Variants in BTBD9 observed in about 807,000 individuals in gnomAD.
The protein encoded by BTBD9 is BTB/POZ domain-containing protein 9.
Under a neutral mutation model 64.3 loss-of-function variants are expected in BTBD9, and 49 were observed. That is an observed-to-expected ratio of 0.76 (90% CI 0.61 to 0.97). The LOEUF (loss-of-function observed/expected upper bound fraction) is 0.97, where lower values mean the gene tolerates loss of function less well. BTBD9 is among the 50% of genes least tolerant of loss of function. BTBD9 has a pLI of 0.00. For synonymous variants in BTBD9, 260 were observed against 274.7 expected (o/e 0.95, Z 0.53); for missense variants, 598 against 762.1 (o/e 0.78, Z 2.53).
intron 6 of BTBD9, among the ~76,000 whole-genome samples, chr6:38,550,168 A>ATC (rs1160725090): frequency 6.6e-6 from 1 of 152,170 alleles, no homozygotes; most frequent in Admixed American, 6.5e-5. Context: ...TCTAAAAGGC[A>ATC]TCTCAGATCT....
rs570627326 is a variant in BTBD9, at chr6:38,284,136, T to G, written c.1454+4136A>C. Among the ~76,000 whole-genome samples the G allele has an allele frequency of 2.6e-5, 4 of 152,238 alleles. No individual in the cohort carries two copies. The East Asian group carries it at 7.7e-4, about 29-fold the overall frequency. On this transcript the variant is annotated intron_variant, in intron 8 of 10. Coordinates refer to ENST00000481247, the MANE Select transcript of BTBD9 (RefSeq NM_001099272.2). ...GTTAGTTTCACAGAGACGTGTCTCT[T>G]TGAAGGCTCAGCCAGTTATACAGAG...
chr6:38,394,356 T>G (rs1766571510), intron 6 of BTBD9, among the ~76,000 whole-genome samples: 1 of 152,036 alleles, frequency 6.6e-6, no homozygotes, highest in South Asian at 2.1e-4. Context: ...GAAAGACATA[T>G]CTGGATTGGA....
In BTBD9 at chr6:38,389,488, C is replaced by T. The variant is rs533810370; in HGVS notation, c.1155-44395G>A. Among the ~76,000 whole-genome samples the T allele has an allele frequency of 1.1e-4, 17 of 152,338 alleles. No individual in the cohort carries two copies. In the South Asian group the frequency reaches 3.5e-3, roughly 32 times the overall value. On this transcript the variant is annotated intron_variant, in intron 6 of 10. Transcript: ENST00000481247. ...CCTGCACTACACATACAGCCCCATG[C>T]TGGATGGCGTTGGGTGTTCACTTTC...
intron 6 of BTBD9, among the ~76,000 whole-genome samples, chr6:38,423,424 C>A (rs1232468252): frequency 6.6e-6 from 1 of 152,098 alleles, no homozygotes; most frequent in Admixed American, 6.6e-5. Flanking sequence ...CCCACCTAAG[C>A]CTCCCTCGAA....
At chr6:38,276,094 C>T (rs1397473518) in intron 8 of BTBD9, among the ~76,000 whole-genome samples, 2 of 152,134 alleles carry the variant, frequency 1.3e-5, no homozygotes, top group African/African-American at 4.8e-5. Flanking sequence ...GACTTGGAAC[C>T]AACCCAAATG....
chr6:38,554,651 A>G (rs1040816182), intron 6 of BTBD9, among the ~76,000 whole-genome samples: 1 of 152,230 alleles, frequency 6.6e-6, no homozygotes, highest in East Asian at 1.9e-4. Context: ...TTCAAGTGAT[A>G]TATGTTCTTT....
At chr6:38,460,803 A>C (rs143824224) in intron 6 of BTBD9, among the ~76,000 whole-genome samples, 3 of 151,868 alleles carry the variant, frequency 2.0e-5, no homozygotes, top group African/African-American at 7.2e-5. Flanking sequence ...TTTGTATTTT[A>C]GTAGAGACGG....
chr6:38,566,926 T>C lies in BTBD9; in HGVS notation c.1154+10674A>G, dbSNP rs1234829478. Among the ~76,000 whole-genome samples the C allele has an allele frequency of 2.0e-5, 3 of 152,212 alleles. No individual in the cohort carries two copies. In the East Asian group the frequency reaches 5.8e-4, roughly 29 times the overall value. ...ACTGATCAACAGACATAAAATAAAG[T>C]CCTTCTAAATCCTACTCTCTCTAAC... On this transcript the variant is annotated intron_variant, in intron 6 of 10. Transcript: ENST00000481247.
chr6:38,238,762 C>T (rs748698983), intron 9 of BTBD9, among the ~76,000 whole-genome samples: 3 of 152,028 alleles, frequency 2.0e-5, no homozygotes, highest in Non-Finnish European at 4.4e-5. Context: ...CGTGAGCCAC[C>T]GCGCCTGGCC....
At chr6:38,512,647 AAC>A (rs923828796) in intron 6 of BTBD9, among the ~76,000 whole-genome samples, 4 of 152,208 alleles carry the variant, frequency 2.6e-5, no homozygotes, top group African/African-American at 9.6e-5. Context: ...CACAAAAACA[AAC>A]ACACAAATAA....
intron 6 of BTBD9, among the ~76,000 whole-genome samples, chr6:38,568,690 C>A (rs1775628889): frequency 6.6e-6 from 1 of 152,196 alleles, no homozygotes; most frequent in South Asian, 2.1e-4. Context: ...TCCTCACATG[C>A]AGCATGTACC....
chr6:38,193,667 T>C (rs150707307), intron 9 of BTBD9, among the ~76,000 whole-genome samples: 6 of 152,272 alleles, frequency 3.9e-5, no homozygotes, highest in African/African-American at 9.6e-5. Context: ...CCAATAATAT[T>C]TTCTGTAATA....
chr6:38,630,473 T>A (rs770385510), intron 1 of BTBD9, among the ~76,000 whole-genome samples: 114 of 152,212 alleles, frequency 7.5e-4, no homozygotes, highest in Non-Finnish European at 1.4e-3. Context: ...GGATTGGGTA[T>A]TATATCTGCA....
intron 9 of BTBD9, among the ~76,000 whole-genome samples, chr6:38,202,709 A>G (rs906498957): frequency 6.6e-6 from 1 of 152,202 alleles, no homozygotes; most frequent in East Asian, 1.9e-4. Context: ...TTGGATATCC[A>G]TATGCAAACT....
chr6:38,517,873 A>T (rs1773107629), intron 6 of BTBD9, among the ~76,000 whole-genome samples: 1 of 152,172 alleles, frequency 6.6e-6, no homozygotes, highest in South Asian at 2.1e-4. Flanking sequence ...TTGGACCTGC[A>T]ACCCTCCAAG....
chr6:38,317,017 G>C (rs1459913698), intron 7 of BTBD9, among the ~76,000 whole-genome samples: 1 of 151,334 alleles, frequency 6.6e-6, no homozygotes, highest in African/African-American at 2.4e-5. Context: ...TTTTTTTTTA[G>C]ATGGAGTCTT....
At chr6:38,583,699 A>G (rs1399926686) in intron 4 of BTBD9, among the ~76,000 whole-genome samples, 1 of 152,194 alleles carries the variant, frequency 6.6e-6, no homozygotes, top group Admixed American at 6.5e-5. Flanking sequence ...TTCTACCACA[A>G]GTCTAAGTCT....
At chr6:38,556,727 A>AGACCTTCG (rs1333747155) in intron 6 of BTBD9, among the ~76,000 whole-genome samples, 2 of 151,920 alleles carry the variant, frequency 1.3e-5, no homozygotes, top group Non-Finnish European at 2.9e-5. Context: ...GTGTTTAAAA[A>AGACCTTCG]GACCTTCGGC....
intron 10 of BTBD9, among the ~76,000 whole-genome samples, chr6:38,190,698 C>T (rs1042927680): frequency 3.9e-5 from 6 of 152,076 alleles, no homozygotes; most frequent in African/African-American, 1.4e-4. Context: ...TTGGGAAACT[C>T]ATCATCAAAG....
Sources: allele counts gnomAD v4.1 joint callset (sites outside exome capture counted in the v4.1 genomes callset), GRCh38; gene constraint gnomAD v4.1.1; transcripts MANE v1.5; gene names NCBI Gene and HGNC (gene_info 2026-07-23, HGNC 2026-07-21).